Variants in ANO5 observed in about 807,000 individuals in gnomAD.
The protein encoded by ANO5 is anoctamin-5.
Under a neutral mutation model 121.0 loss-of-function variants are expected in ANO5, and 109 were observed. The ratio of observed to expected loss-of-function variants is 0.90; its 90% confidence interval spans 0.77 to 1.06. The LOEUF (loss-of-function observed/expected upper bound fraction) is 1.06. Among genes scored for constraint, ANO5 ranks in the 50% least tolerant of loss-of-function variants. The pLI is 0.00. For synonymous variants in ANO5, 406 were observed against 359.9 expected (o/e 1.13, Z -1.45); for missense variants, 1,064 against 1,078.5 (o/e 0.99, Z 0.19).
At chr11:22,238,622 T>C (rs1387992224) in intron 8 of ANO5, among the ~76,000 whole-genome samples, 1 of 152,118 alleles carries the variant, frequency 6.6e-6, no homozygotes, top group Non-Finnish European at 1.5e-5. Context: ...TTTCTTAAGA[T>C]TCAGTTGGAT....
intron 4 of ANO5, among the ~76,000 whole-genome samples, chr11:22,220,752 A>G (rs763076892): frequency 3.9e-5 from 6 of 152,028 alleles, no homozygotes; most frequent in Non-Finnish European, 8.8e-5. Context: ...GTGTGTAGCC[A>G]TGAATTATTT....
Position 22,279,924 on chromosome 11 carries a change from C to T in ANO5, c.*159C>T. 1 of 646,606 alleles carries T rather than the reference C, an allele frequency of 1.5e-6. No homozygotes were observed. The highest frequency in any genetic ancestry group is 2.6e-6 in the Non-Finnish European group (1 of 382,970). The allele number at this position is 646,606 out of a possible 1,614,324, so 40.1% of individuals were successfully genotyped here. On this transcript the variant is annotated 3_prime_UTR_variant, in exon 22 of 22. Coordinates refer to ENST00000324559, the MANE Select transcript of ANO5 (RefSeq NM_213599.3). ...AGTTTTTATACACTTTTATAGAGGC[C>T]AACTTTGTGATGTTGGAAATGTACT...
intron 7 of ANO5, among the ~76,000 whole-genome samples, chr11:22,229,191 T>C (rs1852952511): frequency 6.6e-6 from 1 of 152,042 alleles, no homozygotes; most frequent in Non-Finnish European, 1.5e-5. Context: ...ACACTTGTTA[T>C]CTTTTGATTT....
intron 12 of ANO5, among the ~76,000 whole-genome samples, chr11:22,251,795 G>A (rs1853824171): frequency 6.6e-6 from 1 of 151,864 alleles, no homozygotes; most frequent in African/African-American, 2.4e-5. Flanking sequence ...GGGAGGCTGA[G>A]GTGGGCAGAT....
chr11:22,222,480 T>G (rs977907013), intron 5 of ANO5, among the ~76,000 whole-genome samples: 13 of 151,916 alleles, frequency 8.6e-5, no homozygotes, highest in African/African-American at 3.1e-4. Context: ...AATTTCGTTT[T>G]ACATGTACAA....
intron 18 of ANO5, 133 bp downstream of exon 18, chr11:22,270,575 G>A (rs1854572967): frequency 3.0e-6 from 4 of 1,317,154 alleles, no homozygotes; most frequent in Admixed American, 3.8e-5. Flanking sequence ...AAAGATGAGT[G>A]GAGGGATATA....
At chr11:22,269,433 G>T (rs1319484813) in intron 17 of ANO5, among the ~76,000 whole-genome samples, 1 of 143,156 alleles carries the variant, frequency 7.0e-6, no homozygotes, top group Admixed American at 7.3e-5. Flanking sequence ...GAGAAGGGAA[G>T]GGAAGAGAAG....
At chr11:22,197,663 T>TA (rs1484539222) in intron 1 of ANO5, among the ~76,000 whole-genome samples, 1 of 152,212 alleles carries the variant, frequency 6.6e-6, no homozygotes, top group Non-Finnish European at 1.5e-5. Flanking sequence ...GACCAGTTGG[T>TA]AAGTACAAGT....
At chr11:22,244,492 G>T (rs1034627890) in intron 9 of ANO5, among the ~76,000 whole-genome samples, 4 of 151,388 alleles carry the variant, frequency 2.6e-5, no homozygotes, top group African/African-American at 9.7e-5. Flanking sequence ...CTTTTTCCAG[G>T]TTGTTTACTT....
At chr11:22,265,283 T>G (rs1340070392) in intron 17 of ANO5, among the ~76,000 whole-genome samples, 1 of 152,168 alleles carries the variant, frequency 6.6e-6, no homozygotes, top group Admixed American at 6.5e-5. Context: ...TCAATAGCAT[T>G]AGATGCCAAA....
rs758566807 is a variant in ANO5 at position 22,239,669 on chromosome 11, C to T, written c.863C>T (p.Pro288Leu). 2.5e-6 allele frequency: 4 copies of T among 1,604,992 alleles called. No homozygotes were observed. Among genetic ancestry groups the T allele is most frequent in the Non-Finnish European group, 3.4e-6 (4 of 1,171,954 alleles). Residue 288 changes from proline to leucine, a missense_variant, in exon 9 of 22, where the codon CCT becomes CTT. Pro to Leu is a moderately conservative substitution (Grantham distance 98). Transcript: ENST00000324559. ...TTTTCCTATTTCTACAAGGAGCAGC[C>T]TTTAGACTTGATTAAGTAAGTTTCA... ...ARFSYFYKEQPLDLIKNYYGE... is the reference protein window; with the variant it reads ...ARFSYFYKEQLLDLIKNYYGE...
Position 22,262,137 on chromosome 11 carries a change from C to T in ANO5, c.1639C>T (p.Arg547Ter), listed in dbSNP as rs747719953. 5.6e-6 allele frequency: 9 copies of T among 1,613,216 alleles called. No homozygotes were observed. The Admixed American group carries it at 6.7e-5, about 12-fold the overall frequency. ...TTTTTTTAACTTAACAGAAATTCCT[C>T]GAACATACCAGGAGTATGAGAGCAG... Reference protein sequence around the residue: ...SAWITKMEIPRTYQEYESSLT... With the variant: ...SAWITKMEIP The change falls in exon 16 of 22, where the codon CGA (arginine) becomes TGA (stop). Residue 547 changes from arginine to a stop codon, truncating the protein, a stop_gained. Transcript: ENST00000324559. LOFTEE classifies it high-confidence loss of function.
Position 22,255,353 on chromosome 11 carries a change from A to G in ANO5, c.1181-18A>G, listed in dbSNP as rs1564939162. 3 of 1,545,454 alleles carry G rather than the reference A, an allele frequency of 1.9e-6. No homozygotes were observed. Among genetic ancestry groups the G allele is most frequent in the Non-Finnish European group, 2.6e-6 (3 of 1,144,180 alleles). On this transcript the variant is annotated intron_variant, in intron 12 of 21. Transcript: ENST00000324559. ...AACTTTTTTAATATCTTTTTTTTATATATTTATTTACCTATAGTCACCTTA... is the reference window on the plus strand; with the variant it reads ...AACTTTTTTAATATCTTTTTTTTATGTATTTATTTACCTATAGTCACCTTA...
intron 3 of ANO5, among the ~76,000 whole-genome samples, chr11:22,213,208 T>C (rs904395675): frequency 2.0e-5 from 3 of 151,904 alleles, no homozygotes; most frequent in African/African-American, 7.2e-5. Flanking sequence ...ATTGGTGCAT[T>C]ATTATCAAAT....
At chr11:22,223,567 C>T (rs1852728893) in intron 5 of ANO5, among the ~76,000 whole-genome samples, 1 of 152,056 alleles carries the variant, frequency 6.6e-6, no homozygotes, top group African/African-American at 2.4e-5. Context: ...AAATGAGCCA[C>T]TCTTATCAGT....
intron 4 of ANO5, among the ~76,000 whole-genome samples, chr11:22,218,556 AG>A (rs1852539065): frequency 6.6e-6 from 1 of 151,880 alleles, no homozygotes; most frequent in Non-Finnish European, 1.5e-5. Context: ...TCAGGAATGC[AG>A]GGTTTTATTT....
At chr11:22,212,508 T>C (rs550716029) in intron 3 of ANO5, among the ~76,000 whole-genome samples, 3 of 152,084 alleles carry the variant, frequency 2.0e-5, no homozygotes, top group Non-Finnish European at 4.4e-5. Context: ...TATAGTAATT[T>C]GTAATTTTCC....
rs546380911 is a variant in ANO5, at chr11:22,255,628, C to T, written c.1332+106C>T. ...ATTTTGCCTTTAAAATATTCTGCAACGTATAAATCACATAAACTTCTTTAC... is the reference window on the plus strand; with the variant it reads ...ATTTTGCCTTTAAAATATTCTGCAATGTATAAATCACATAAACTTCTTTAC... On this transcript the variant is annotated intron_variant, in intron 13 of 21. Transcript: ENST00000324559. 5.7e-5 allele frequency: 74 copies of T among 1,309,470 alleles called. 1 individual carries two copies. Among genetic ancestry groups the T allele is most frequent in the Admixed American group, 3.0e-4 (17 of 57,504 alleles). 81.1% of individuals were successfully genotyped at this position (1,309,470 alleles called of 1,614,324 possible). A position where few individuals can be genotyped will look rare whatever the true frequency, so the allele number is the denominator to read the frequency against.
chr11:22,214,143 A>G (rs2133562793), intron 3 of ANO5, among the ~76,000 whole-genome samples: 1 of 152,086 alleles, frequency 6.6e-6, no homozygotes, highest in Non-Finnish European at 1.5e-5. Flanking sequence ...GGGCTCAAGC[A>G]GTCCTCCCTT....
Sources: allele counts gnomAD v4.1 joint callset (sites outside exome capture counted in the v4.1 genomes callset), GRCh38; gene constraint gnomAD v4.1.1; transcripts MANE v1.5; gene names NCBI Gene and HGNC (gene_info 2026-07-23, HGNC 2026-07-21).